CD226: variants seen among roughly 807,000 people sequenced by gnomAD.
The protein encoded by CD226 is CD226 molecule.
Under a neutral mutation model 34.9 loss-of-function variants are expected in CD226, and 24 were observed. The observed-to-expected ratio is 0.69, with a 90% CI of 0.50 to 0.97. CD226 has a LOEUF of 0.97. Ranked by LOEUF, CD226 falls within the 50% of genes least tolerant of loss-of-function variation. The pLI is 0.00. For synonymous variants in CD226, 148 were observed against 147.4 expected, an observed-to-expected ratio of 1.00 and a Z score of -0.03; for missense variants, 397 against 412.7, an observed-to-expected ratio of 0.96 and a Z score of 0.33.
At chr18:69,932,046 T>G (rs1250438045) in intron 2 of CD226, among the ~76,000 whole-genome samples, 2 of 152,192 alleles carry the variant, frequency 1.3e-5, no homozygotes, top group Non-Finnish European at 2.9e-5. Context: ...ACCAGTCATA[T>G]TGGATTAGAT....
intron 2 of CD226, among the ~76,000 whole-genome samples, chr18:69,935,711 GT>G (rs2055644724): frequency 1.3e-5 from 2 of 152,202 alleles, no homozygotes; most frequent in Non-Finnish European, 2.9e-5. Flanking sequence ...CAAGAACTGT[GT>G]AGTTTCCAGC....
At chr18:69,946,590 G>C in intron 2 of CD226, 144 bp downstream of exon 2, 1 of 629,928 alleles carries the variant, frequency 1.6e-6, no homozygotes, top group Non-Finnish European at 2.7e-6. Context: ...CTTCAAAGCA[G>C]TAACATCAAA....
rs1208901566 is a variant in CD226 at position 69,861,961 on chromosome 18, C to CTG, written c.*2351_*2352dup. Reference sequence around the variant, plus strand: ...CAAATTCCTGAAAAAACCCTACACTCTGTAGAGGAAGAATATATAGAGAAG... The same window carrying CTG: ...CAAATTCCTGAAAAAACCCTACACTCTGTGTAGAGGAAGAATATATAGAGAAG... On this transcript the variant is annotated 3_prime_UTR_variant, in exon 6 of 6. Transcript: ENST00000582621. 6.6e-5 allele frequency: 10 copies of CTG among 152,214 alleles called. No homozygotes were observed. Among genetic ancestry groups the CTG allele is most frequent in the Non-Finnish European group, 1.0e-4 (7 of 67,982 alleles). The allele number at this position is 152,214 out of a possible 1,614,324, so 9.4% of individuals were successfully genotyped here.
chr18:69,945,578 G>T (rs1172863200), intron 2 of CD226, among the ~76,000 whole-genome samples: 1 of 152,190 alleles, frequency 6.6e-6, no homozygotes, highest in East Asian at 1.9e-4. Flanking sequence ...CCAGGGCCAA[G>T]CTTGGTGGTT....
At position 69,904,942 on chromosome 18, in the gene CD226, G is replaced by A. The variant is rs370191400; in HGVS notation, c.383-8897C>T. ...AATAGATTGTTAGTGATGGTCCCTGGAGACTACATTAAGCATTTTGTCCCA... is the reference window on the plus strand; with the variant it reads ...AATAGATTGTTAGTGATGGTCCCTGAAGACTACATTAAGCATTTTGTCCCA... On this transcript the variant is annotated intron_variant, in intron 2 of 5. Coordinates refer to ENST00000582621, the MANE Select transcript of CD226 (RefSeq NM_001303618.2). Among the ~76,000 whole-genome samples, 6 of 152,276 alleles carry A rather than the reference G, an allele frequency of 3.9e-5. No individual in the cohort carries two copies. The South Asian group carries it at 1.0e-3, about 26-fold the overall frequency.
At chr18:69,942,574 C>T (rs2055739168) in intron 2 of CD226, among the ~76,000 whole-genome samples, 1 of 152,214 alleles carries the variant, frequency 6.6e-6, no homozygotes, top group Non-Finnish European at 1.5e-5. Context: ...TAGTGAGCTG[C>T]AACTCCTTTT....
chr18:69,924,692 C>CAAAAAAAA (rs56118102), intron 2 of CD226, among the ~76,000 whole-genome samples: 4,063 of 55,350 alleles, frequency 0.073, 365 homozygotes, highest in Non-Finnish European at 0.095. Context: ...AAGGTATTGC[C>CAAAAAAAA]AAAAAAAAAA....
At chr18:69,865,299 T>C (rs1250681440) in intron 5 of CD226, among the ~76,000 whole-genome samples, 1 of 152,182 alleles carries the variant, frequency 6.6e-6, no homozygotes, top group South Asian at 2.1e-4. Flanking sequence ...CAGATGTTAG[T>C]GTTTTTAAGA....
chr18:69,915,411 T>C (rs2055373450), intron 2 of CD226, among the ~76,000 whole-genome samples: 1 of 152,164 alleles, frequency 6.6e-6, no homozygotes, highest in African/African-American at 2.4e-5. Context: ...CCCATTAAAA[T>C]TGTAAACACT....
At chr18:69,888,321 T>C (rs970222023) in intron 3 of CD226, among the ~76,000 whole-genome samples, 61 of 152,118 alleles carry the variant, frequency 4.0e-4, no homozygotes, top group African/African-American at 1.3e-3. Context: ...AAATTCCATA[T>C]ACGACAATAA....
chr18:69,946,245 G>GA (rs976791190), intron 2 of CD226, among the ~76,000 whole-genome samples: 1 of 120,452 alleles, frequency 8.3e-6, no homozygotes, highest in Non-Finnish European at 1.8e-5. Context: ...AGAAAGGAAA[G>GA]AAAAGAAAGA....
intron 4 of CD226, 111 bp downstream of exon 4, chr18:69,873,033 T>C: frequency 1.4e-6 from 1 of 725,852 alleles, no homozygotes; most frequent in Non-Finnish European, 2.5e-6. Flanking sequence ...GTTAGAACAG[T>C]ACTCACAAAA....
upstream of CD226, among the ~76,000 whole-genome samples, chr18:69,949,555 C>A (rs143232089): frequency 5.4e-3 from 825 of 151,978 alleles, 5 homozygotes; most frequent in African/African-American, 0.019. Context: ...GCATTCATAT[C>A]TTCTGTCTCA....
chr18:69,885,936 G>A (rs916579384), intron 3 of CD226, among the ~76,000 whole-genome samples: 4 of 141,948 alleles, frequency 2.8e-5, no homozygotes, highest in African/African-American at 4.9e-5. Context: ...CCCGCTCCCC[G>A]ACTCCTTTGC....
intron 2 of CD226, among the ~76,000 whole-genome samples, chr18:69,938,329 C>A (rs953893007): frequency 2.0e-5 from 3 of 152,196 alleles, no homozygotes; most frequent in Non-Finnish European, 4.4e-5. Context: ...ATGCCCTCTA[C>A]ATTCTTTAAC....
upstream of CD226, among the ~76,000 whole-genome samples, chr18:69,949,729 T>C (rs183894769): frequency 0.024 from 3,684 of 150,498 alleles, 145 homozygotes; most frequent in African/African-American, 0.084. Context: ...TAACACACAT[T>C]CACACACACA....
intron 3 of CD226, among the ~76,000 whole-genome samples, chr18:69,874,050 C>T (rs1292645846): frequency 1.3e-5 from 2 of 152,002 alleles, no homozygotes; most frequent in Non-Finnish European, 2.9e-5. Flanking sequence ...TACTCCAACT[C>T]AATGTCTGAA....
chr18:69,907,610 C>T (rs1013358744), intron 2 of CD226, among the ~76,000 whole-genome samples: 3 of 152,104 alleles, frequency 2.0e-5, no homozygotes, highest in Non-Finnish European at 4.4e-5. Context: ...ACACCTGGCC[C>T]TTGAATGTCT....
chr18:69,864,898 A>G (rs1983042198), intron 5 of CD226, among the ~76,000 whole-genome samples: 1 of 152,230 alleles, frequency 6.6e-6, no homozygotes, highest in African/African-American at 2.4e-5. Context: ...TGTAACAGAA[A>G]ATATGCAGGT....
Sources: allele counts gnomAD v4.1 joint callset (sites outside exome capture counted in the v4.1 genomes callset), GRCh38; gene constraint gnomAD v4.1.1; transcripts MANE v1.5; gene names NCBI Gene and HGNC (gene_info 2026-07-23, HGNC 2026-07-21).